Variants in ASB7 observed in about 807,000 individuals in gnomAD.
The protein encoded by ASB7 is ankyrin repeat and SOCS box containing 7, also known as ankyrin repeat and SOCS box protein 7.
A neutral mutation model predicts 32.5 loss-of-function variants in ASB7; 4 were observed. The observed-to-expected ratio is 0.12, with a 90% CI of 0.06 to 0.28. The LOEUF (loss-of-function observed/expected upper bound fraction) is 0.28, where lower values mean the gene tolerates loss of function less well. ASB7 is among the 10% of genes least tolerant of loss of function. The pLI, the probability that ASB7 is intolerant of heterozygous loss-of-function variation, is 1.00. For missense variants in ASB7, 181 were observed against 407.1 expected (o/e 0.44, Z 4.78); for synonymous variants, 172 against 155.6 (o/e 1.11, Z -0.78).
intron 5 of ASB7, among the ~76,000 whole-genome samples, chr15:100,637,698 T>C (rs902412756): frequency 6.6e-6 from 1 of 152,246 alleles, no homozygotes; most frequent in African/African-American, 2.4e-5. Context: ...TGTCTAGTTT[T>C]GATGGAGTAT....
chr15:100,631,886 A>G (rs1426735724), intron 5 of ASB7, among the ~76,000 whole-genome samples: 1 of 152,264 alleles, frequency 6.6e-6, no homozygotes, highest in East Asian at 1.9e-4. Context: ...GGGGATTAAC[A>G]GCGAGGACTG....
chr15:100,613,752 C>T (rs8042302), intron 4 of ASB7, among the ~76,000 whole-genome samples: 49,691 of 152,114 alleles, frequency 0.33, 8,779 homozygotes, highest in East Asian at 0.63. Flanking sequence ...GCCAGCCTTA[C>T]TTTAAAAAAA....
chr15:100,622,904 CACAG>C (rs1209232798), intron 4 of ASB7, among the ~76,000 whole-genome samples: 6 of 152,148 alleles, frequency 3.9e-5, no homozygotes, highest in African/African-American at 7.2e-5. Flanking sequence ...ACCTCAGAAA[CACAG>C]ACAACTAAAA....
chr15:100,639,088 T>G (rs1007620592), intron 5 of ASB7, among the ~76,000 whole-genome samples: 2 of 152,210 alleles, frequency 1.3e-5, no homozygotes, highest in African/African-American at 2.4e-5. Flanking sequence ...ACCACCAGTA[T>G]GCTTTGGTGG....
chr15:100,613,603 C>G (rs2039715178), intron 4 of ASB7, among the ~76,000 whole-genome samples: 1 of 152,130 alleles, frequency 6.6e-6, no homozygotes, highest in Admixed American at 6.5e-5. Flanking sequence ...AAGTGGAACG[C>G]CAGGAAAAAG....
chr15:100,605,873 TA>T (rs1395964575), intron 2 of ASB7, among the ~76,000 whole-genome samples: 2 of 152,220 alleles, frequency 1.3e-5, no homozygotes, highest in East Asian at 3.8e-4. Flanking sequence ...TCATGAAAAT[TA>T]TTGGTTTCTC....
At position 100,651,602 on chromosome 15, in the gene ASB7, A is replaced by G. The variant is rs558997034; in HGVS notation, c.*3140A>G. 6.6e-6 allele frequency: 1 copy of G among 152,120 alleles called. No individual in the cohort carries two copies. The highest frequency in any genetic ancestry group is 1.9e-4 in the East Asian group (1 of 5,184). The allele number at this position is 152,120 out of a possible 1,614,324, so 9.4% of individuals were successfully genotyped here. On this transcript the variant is annotated 3_prime_UTR_variant, in exon 6 of 6. Coordinates refer to ENST00000332783, the MANE Select transcript of ASB7 (RefSeq NM_198243.3). ...TGCCCACAAATTTAGCTTTCATGTA[A>G]CTCCTAGTGTGTTATATCATAATGT...
chr15:100,602,643 T>A lies in ASB7; in HGVS notation c.-676T>A, dbSNP rs1263136626. 4.2e-6 allele frequency: 1 copy of A among 236,186 alleles called. No individual in the cohort carries two copies. Among genetic ancestry groups the A allele is most frequent in the Non-Finnish European group, 8.1e-6 (1 of 123,770 alleles). The allele number at this position is 236,186 out of a possible 1,614,324, so 14.6% of individuals were successfully genotyped here. On this transcript the variant is annotated 5_prime_UTR_variant, in exon 1 of 6. Coordinates refer to ENST00000332783, the MANE Select transcript of ASB7 (RefSeq NM_198243.3). ...CGGGGGTGGCCCAGTGCAAAGTGCA[T>A]CCCGAAAGCCCCCTGTCCGGAGACC...
chr15:100,605,791 T>A (rs1567110312), intron 2 of ASB7, among the ~76,000 whole-genome samples: 1 of 152,236 alleles, frequency 6.6e-6, no homozygotes, highest in Admixed American at 6.5e-5. Context: ...CTCATCATTA[T>A]AATACTTGTG....
intron 2 of ASB7, among the ~76,000 whole-genome samples, chr15:100,607,953 A>T (rs1354927733): frequency 6.6e-6 from 1 of 152,174 alleles, no homozygotes; most frequent in Non-Finnish European, 1.5e-5. Flanking sequence ...GTCTTCCCTG[A>T]CACTTCCAGC....
At chr15:100,646,441 C>T (rs750163028) in intron 5 of ASB7, 25 of 459,888 alleles carry the variant, frequency 5.4e-5, no homozygotes, top group Admixed American at 4.7e-4. Context: ...GGTGTTCTCC[C>T]GTTCCATGTG....
At chr15:100,614,484 G>A (rs1487939026) in intron 4 of ASB7, among the ~76,000 whole-genome samples, 6 of 152,048 alleles carry the variant, frequency 3.9e-5, no homozygotes, top group Non-Finnish European at 7.4e-5. Context: ...TTTGTGTGCC[G>A]TACTGGCTTT....
chr15:100,646,401 G>A (rs980344133), intron 5 of ASB7: 12 of 397,294 alleles, frequency 3.0e-5, no homozygotes, highest in South Asian at 8.3e-5. Context: ...ACTTCTCCGC[G>A]TATTCTCTTT....
chr15:100,643,342 A>G (rs186358789), intron 5 of ASB7, among the ~76,000 whole-genome samples: 98 of 152,200 alleles, frequency 6.4e-4, no homozygotes, highest in African/African-American at 2.2e-3. Context: ...TAATGATAGG[A>G]GTATCCAGCC....
chr15:100,631,992 GCACGCAGC>G lies in ASB7; in HGVS notation c.817+1955_817+1962del, dbSNP rs1361000792. Among the ~76,000 whole-genome samples the G allele has an allele frequency of 3.3e-5, 5 of 152,328 alleles. No homozygotes were observed. The East Asian group carries it at 9.6e-4, about 29-fold the overall frequency. Reference sequence around the variant, plus strand: ...AACTGTCCAGAGTCTGTACATGGAGGCACGCAGCCACGTGGCCGAGAGGAGCCGCTGGG... The same window carrying G: ...AACTGTCCAGAGTCTGTACATGGAGGCACGTGGCCGAGAGGAGCCGCTGGG... On this transcript the variant is annotated intron_variant, in intron 5 of 5. Transcript: ENST00000332783.
Position 100,602,645 on chromosome 15 carries a change from C to T in ASB7, c.-674C>T, listed in dbSNP as rs1325121058. On this transcript the variant is annotated 5_prime_UTR_variant, in exon 1 of 6. Transcript: ENST00000332783. ...GGGGTGGCCCAGTGCAAAGTGCATC[C>T]CGAAAGCCCCCTGTCCGGAGACCCC... 1 of 239,772 alleles carries T rather than the reference C, an allele frequency of 4.2e-6. No individual in the cohort carries two copies. The highest frequency in any genetic ancestry group is 7.9e-6 in the Non-Finnish European group (1 of 126,030). 14.9% of individuals were successfully genotyped at this position (239,772 alleles called of 1,614,324 possible). A position where few individuals can be genotyped will look rare whatever the true frequency, so the allele number is the denominator to read the frequency against.
At chr15:100,614,134 A>C (rs1405729256) in intron 4 of ASB7, among the ~76,000 whole-genome samples, 1 of 152,152 alleles carries the variant, frequency 6.6e-6, no homozygotes, top group African/African-American at 2.4e-5. Flanking sequence ...TTAGTTGGGC[A>C]TAGTGGCCAG....
chr15:100,641,403 TTACCATAAG>T (rs2039960957), intron 5 of ASB7, among the ~76,000 whole-genome samples: 1 of 152,206 alleles, frequency 6.6e-6, no homozygotes, highest in Non-Finnish European at 1.5e-5. Context: ...ATGACAGTAC[TTACCATAAG>T]CAGTCCTTAT....
intron 5 of ASB7, 94 bp downstream of exon 5, chr15:100,630,136 T>C (rs1326140721): frequency 4.2e-6 from 6 of 1,417,048 alleles, no homozygotes; most frequent in Non-Finnish European, 5.5e-6. Context: ...TGACTAGATA[T>C]TAATCATTCC....
Sources: gnomAD v4.1 joint callset for allele counts (sites outside exome capture counted in the v4.1 genomes callset) on GRCh38, gnomAD v4.1.1 for gene constraint, MANE v1.5 for transcripts, NCBI Gene and HGNC (gene_info 2026-07-23, HGNC 2026-07-21) for gene names.